Variants in FBXL17 observed in about 807,000 individuals in gnomAD.
FBXL17 encodes F-box/LRR-repeat protein 17.
A neutral mutation model predicts 66.2 loss-of-function variants in FBXL17; 22 were observed. That is an observed-to-expected ratio of 0.33 (90% CI 0.24 to 0.47). The LOEUF (loss-of-function observed/expected upper bound fraction) is 0.47, where lower values mean the gene tolerates loss of function less well. Among genes scored for constraint, FBXL17 ranks in the 20% least tolerant of loss-of-function variants. The pLI, the probability that FBXL17 is intolerant of heterozygous loss-of-function variation, is 1.00. For synonymous variants in FBXL17, 474 were observed against 400.5 expected, an observed-to-expected ratio of 1.18 and a Z score of -2.19; for missense variants, 878 against 948.2, an observed-to-expected ratio of 0.93 and a Z score of 0.97.
chr5:108,207,408 C>T (rs1754168660), intron 5 of FBXL17, among the ~76,000 whole-genome samples: 1 of 151,860 alleles, frequency 6.6e-6, no homozygotes, highest in African/African-American at 2.4e-5. Context: ...TATACACATA[C>T]CATGGTGGTT....
At chr5:108,173,939 G>C (rs1353171373) in intron 6 of FBXL17, among the ~76,000 whole-genome samples, 1 of 152,142 alleles carries the variant, frequency 6.6e-6, no homozygotes, top group Non-Finnish European at 1.5e-5. Context: ...TTAATAACAA[G>C]GAAAACCTCA....
intron 7 of FBXL17, among the ~76,000 whole-genome samples, chr5:107,941,825 A>G (rs1367232272): frequency 1.3e-5 from 2 of 152,174 alleles, no homozygotes; most frequent in Non-Finnish European, 2.9e-5. Flanking sequence ...CCTTCCTCCA[A>G]TAGAGCTCAT....
Position 107,988,996 on chromosome 5 carries a change from T to G in FBXL17, c.1822+31929A>C, listed in dbSNP as rs181700850. On this transcript the variant is annotated intron_variant, in intron 7 of 8. Transcript: ENST00000542267. Reference sequence around the variant, plus strand: ...CATGGGGATGTCTTCATTTTCTTTTTTTCTCTTTTTATTGATAGATAATAA... The same window carrying G: ...CATGGGGATGTCTTCATTTTCTTTTGTTCTCTTTTTATTGATAGATAATAA... 9.2e-5 allele frequency among the ~76,000 whole-genome samples: 14 copies of G among 152,160 alleles called. No homozygotes were observed. The East Asian group carries it at 2.7e-3, about 29-fold the overall frequency.
intron 7 of FBXL17, chr5:108,020,669 TGTGA>T (rs374413769): frequency 0.013 from 3,570 of 277,200 alleles, 36 homozygotes; most frequent in East Asian, 0.021. Context: ...TTTAATTTTG[TGTGA>T]GTGTGTGTGT....
At chr5:107,979,004 C>T (rs762242710) in intron 7 of FBXL17, among the ~76,000 whole-genome samples, 1 of 152,130 alleles carries the variant, frequency 6.6e-6, no homozygotes, top group Non-Finnish European at 1.5e-5. Context: ...GAATCATTGT[C>T]AAGTTAACTT....
chr5:108,231,284 C>T (rs1158320554), intron 4 of FBXL17, among the ~76,000 whole-genome samples: 1 of 152,094 alleles, frequency 6.6e-6, no homozygotes, highest in Non-Finnish European at 1.5e-5. Flanking sequence ...TTTCATCACA[C>T]CACCCAAAAA....
intron 6 of FBXL17, among the ~76,000 whole-genome samples, chr5:108,154,622 C>CAT (rs1751909152): frequency 1.6e-5 from 2 of 121,706 alleles, no homozygotes; most frequent in Non-Finnish European, 3.3e-5. Context: ...TATATACACA[C>CAT]ACACACACAC....
intron 6 of FBXL17, among the ~76,000 whole-genome samples, chr5:108,163,010 AT>A (rs1212488964): frequency 6.6e-5 from 10 of 152,176 alleles, no homozygotes; most frequent in Non-Finnish European, 1.5e-5. Flanking sequence ...AAAAATACAA[AT>A]TGTACTGGAT....
At chr5:108,199,578 A>T (rs1338333113) in intron 5 of FBXL17, among the ~76,000 whole-genome samples, 1 of 152,182 alleles carries the variant, frequency 6.6e-6, no homozygotes. Context: ...TTCTAGCTAC[A>T]GCTTTTCTGG....
At chr5:108,238,328 A>G (rs958655290) in intron 4 of FBXL17, among the ~76,000 whole-genome samples, 1 of 152,190 alleles carries the variant, frequency 6.6e-6, no homozygotes, top group African/African-American at 2.4e-5. Flanking sequence ...CAAGACAACA[A>G]TATTTACTGA....
intron 7 of FBXL17, among the ~76,000 whole-genome samples, chr5:107,981,830 T>A (rs1043790159): frequency 1.3e-5 from 2 of 152,202 alleles, no homozygotes; most frequent in Non-Finnish European, 1.5e-5. Flanking sequence ...TCTACCTGAA[T>A]TTTTTACCCC....
chr5:108,078,297 C>G (rs777704605), intron 6 of FBXL17, among the ~76,000 whole-genome samples: 2 of 152,138 alleles, frequency 1.3e-5, no homozygotes, highest in Non-Finnish European at 2.9e-5. Context: ...AGTTGTTTTC[C>G]CATTCCTTTG....
chr5:108,234,444 GT>G (rs1323068901), intron 4 of FBXL17, among the ~76,000 whole-genome samples: 1 of 152,130 alleles, frequency 6.6e-6, no homozygotes, highest in Non-Finnish European at 1.5e-5. Context: ...GCAAAACTGG[GT>G]TTTAAACACT....
chr5:108,154,918 T>C (rs967954972), intron 6 of FBXL17, among the ~76,000 whole-genome samples: 7 of 151,554 alleles, frequency 4.6e-5, no homozygotes, highest in East Asian at 1.9e-4. Flanking sequence ...TTTCCATAAA[T>C]TGAATGAACA....
chr5:108,014,083 AC>A (rs1754285720), intron 7 of FBXL17, among the ~76,000 whole-genome samples: 1 of 152,088 alleles, frequency 6.6e-6, no homozygotes. Flanking sequence ...ATCCAAGAGT[AC>A]TATGCAGTGA....
chr5:108,265,157 G>C (rs1386288382), intron 4 of FBXL17, among the ~76,000 whole-genome samples: 2 of 151,682 alleles, frequency 1.3e-5, no homozygotes, highest in Non-Finnish European at 2.9e-5. Flanking sequence ...TTATTTCATT[G>C]TCCTTTTAGT....
chr5:108,099,333 G>C (rs975581676), intron 6 of FBXL17, among the ~76,000 whole-genome samples: 1 of 152,124 alleles, frequency 6.6e-6, no homozygotes, highest in Admixed American at 6.5e-5. Context: ...GGCTAGGCCT[G>C]AGAATTAAAC....
intron 4 of FBXL17, among the ~76,000 whole-genome samples, chr5:108,246,171 C>T (rs891036636): frequency 6.6e-6 from 1 of 152,126 alleles, no homozygotes; most frequent in African/African-American, 2.4e-5. Flanking sequence ...TCTCTCCCCC[C>T]TCCTCATAAT....
intron 4 of FBXL17, among the ~76,000 whole-genome samples, chr5:108,247,460 T>A (rs1020311181): frequency 5.3e-5 from 8 of 152,174 alleles, no homozygotes; most frequent in Non-Finnish European, 1.2e-4. Context: ...TATTTAACCT[T>A]CTGTATCTCA....
Sources: gnomAD v4.1 joint callset for allele counts (sites outside exome capture counted in the v4.1 genomes callset) on GRCh38, gnomAD v4.1.1 for gene constraint, MANE v1.5 for transcripts, NCBI Gene and HGNC (gene_info 2026-07-23, HGNC 2026-07-21) for gene names.